Variants in MZT2A observed in about 807,000 individuals in gnomAD.
MZT2A encodes mitotic spindle organizing protein 2A.
MZT2A carries 8 observed loss-of-function variants against 12.4 expected under a neutral mutation model. The observed-to-expected ratio is 0.64, with a 90% confidence interval of 0.38 to 1.16. The LOEUF is 1.16. Among genes scored for constraint, MZT2A ranks in the 50% most tolerant of loss-of-function variants. The pLI is 0.01. For missense variants in MZT2A, 181 were observed against 223.6 expected (o/e 0.81, Z 1.22); for synonymous variants, 88 against 107.5 (o/e 0.82, Z 1.12).
chr2:131,484,892 A>T (rs6741788), intron 2 of MZT2A, among the ~76,000 whole-genome samples: 25,985 of 152,214 alleles, frequency 0.17, 4,062 homozygotes, highest in African/African-American at 0.42. Context: ...TGAAGACCAC[A>T]GGTTCAGAGT....
upstream of MZT2A, chr2:131,492,732 A>AGC: frequency 8.1e-7 from 1 of 1,230,600 alleles, no homozygotes; most frequent in Non-Finnish European, 1.0e-6. Context: ...GTTTCAAGAA[A>AGC]GCGTGCAATT....
intron 4 of MZT2A, chr2:131,469,960 T>A: frequency 4.0e-6 from 1 of 247,798 alleles, no homozygotes; most frequent in Non-Finnish European, 7.7e-6. Flanking sequence ...CCCAATACCA[T>A]GCCTGGTTAA....
chr2:131,480,800 TA>T, downstream of MZT2A: 5 of 1,580,522 alleles, frequency 3.2e-6, no homozygotes, highest in Non-Finnish European at 4.3e-6. Context: ...ATGCACAAAA[TA>T]ACACTGGCCC....
intron 2 of MZT2A, chr2:131,490,816 G>A: frequency 2.6e-6 from 4 of 1,550,008 alleles, no homozygotes; most frequent in Non-Finnish European, 3.5e-6. Flanking sequence ...TAACCAGAGA[G>A]GCCGCAGGCT....
chr2:131,480,461 G>T (rs958986034), downstream of MZT2A: 15 of 1,588,298 alleles, frequency 9.4e-6, 3 homozygotes, highest in Non-Finnish European at 1.3e-5. Flanking sequence ...CGGAATTCCA[G>T]ACCAACCTAG....
chr2:131,492,792 G>A (rs1679399907), upstream of MZT2A: 2 of 1,342,304 alleles, frequency 1.5e-6, no homozygotes, highest in East Asian at 4.3e-5. Flanking sequence ...GGGGGGGGTG[G>A]GGGGCACTAA....
chr2:131,477,745 CT>C (rs1351237461), intron 2 of MZT2A, among the ~76,000 whole-genome samples: 1 of 151,628 alleles, frequency 6.6e-6, no homozygotes, highest in African/African-American at 2.4e-5. Flanking sequence ...AGCACCTGGG[CT>C]TGGACCATGG....
intron 2 of MZT2A, chr2:131,491,086 A>G: frequency 2.3e-6 from 2 of 873,862 alleles, no homozygotes; most frequent in Non-Finnish European, 1.8e-6. Context: ...CCAGGCAGGG[A>G]GCCAGCTCTG....
In MZT2A at chr2:131,484,871, G is replaced by C. The variant is rs143745770; in HGVS notation, c.320-653C>G. ...GAGACTTTCCTTCTGAACACCAGAG[G>C]CTCTCTCGGATGAAGACCACAGGTT... On this transcript the variant is annotated intron_variant, in intron 2 of 2. Coordinates refer to ENST00000309451, the MANE Select transcript of MZT2A (RefSeq NM_001085365.2). Among the ~76,000 whole-genome samples, 741 of 152,278 alleles carry C rather than the reference G, an allele frequency of 4.9e-3. 8 individuals are homozygous for C. Among genetic ancestry groups the C allele is most frequent in the African/African-American group, 0.016 (683 of 41,554 alleles).
intron 2 of MZT2A, chr2:131,490,579 T>TA: frequency 6.5e-7 from 1 of 1,530,956 alleles, no homozygotes; most frequent in East Asian, 2.5e-5. Context: ...GCCCTGTGGC[T>TA]AAGCGGCAGG....
chr2:131,488,276 C>T (rs1421067079), intron 2 of MZT2A, among the ~76,000 whole-genome samples: 1 of 152,220 alleles, frequency 6.6e-6, no homozygotes, highest in Non-Finnish European at 1.5e-5. Flanking sequence ...ATTTTTCCCT[C>T]AATGACTCCA....
chr2:131,491,658 G>C (rs1344253174), intron 2 of MZT2A: 1 of 821,550 alleles, frequency 1.2e-6, no homozygotes, highest in East Asian at 2.7e-5. Flanking sequence ...GACCACCCTG[G>C]GGCACGCACT....
chr2:131,476,115 CAGG>C, intron 2 of MZT2A: 2 of 1,607,624 alleles, frequency 1.2e-6, no homozygotes, highest in Non-Finnish European at 1.7e-6. Flanking sequence ...CGCGCACAGG[CAGG>C]AGGTTGCAGT....
intron 2 of MZT2A, among the ~76,000 whole-genome samples, chr2:131,486,163 C>T (rs1168822279): frequency 6.6e-6 from 1 of 151,150 alleles, no homozygotes; most frequent in African/African-American, 2.5e-5. Flanking sequence ...GATGATTGGC[C>T]ACCTCAGCCC....
Position 131,492,284 on chromosome 2 carries a change from C to G in MZT2A, c.93G>C (p.Lys31Asn), listed in dbSNP as rs1314457228. Reference protein sequence around the residue: ...ARQKLALRRKKVLSTEEMELY... With the variant: ...ARQKLALRRKNVLSTEEMELY... Reference sequence around the variant, plus strand: ...GCTCCATCTCCTCGGTGCTCAGCACCTTCTTGCGCCGCAGCGCCAGCTTCT... The same window carrying G: ...GCTCCATCTCCTCGGTGCTCAGCACGTTCTTGCGCCGCAGCGCCAGCTTCT... Residue 31 changes from lysine to asparagine, a missense_variant, in exon 1 of 3, where the codon AAG (lysine) becomes AAC (asparagine). Transcript: ENST00000309451. 2.6e-6 allele frequency: 4 copies of G among 1,564,806 alleles called. No homozygotes were observed. The African/African-American group carries it at 4.1e-5, about 16-fold the overall frequency.
intron 2 of MZT2A, among the ~76,000 whole-genome samples, chr2:131,488,261 A>G (rs563320950): frequency 2.0e-4 from 30 of 152,230 alleles, no homozygotes; most frequent in Non-Finnish European, 3.4e-4. Context: ...CGCTTGACTG[A>G]ATTTATTTTT....
chr2:131,478,931 C>T (rs2105269869), intron 2 of MZT2A, among the ~76,000 whole-genome samples: 1 of 152,302 alleles, frequency 6.6e-6, no homozygotes, highest in African/African-American at 2.4e-5. Context: ...GATGGGACTG[C>T]CCTGCAGAAG....
At chr2:131,479,059 C>T (rs1033636121), downstream of MZT2A, among the ~76,000 whole-genome samples, 2 of 152,360 alleles carry the variant, frequency 1.3e-5, no homozygotes, top group African/African-American at 2.4e-5. Flanking sequence ...TATTTCCTTT[C>T]ACTGGGAACT....
At chr2:131,488,504 G>C (rs1182313310) in intron 2 of MZT2A, among the ~76,000 whole-genome samples, 1 of 152,180 alleles carries the variant, frequency 6.6e-6, no homozygotes, top group Non-Finnish European at 1.5e-5. Context: ...CCCGAGTCCT[G>C]TGGGAAACCT....
Sources: allele counts gnomAD v4.1 joint callset (sites outside exome capture counted in the v4.1 genomes callset), GRCh38; gene constraint gnomAD v4.1.1; transcripts MANE v1.5; gene names NCBI Gene and HGNC (gene_info 2026-07-23, HGNC 2026-07-21).